Variants in MTHFD1L observed in about 807,000 individuals in gnomAD.
The protein encoded by MTHFD1L is methylenetetrahydrofolate dehydrogenase (NADP+ dependent) 1 like.
Under a neutral mutation model 119.5 loss-of-function variants are expected in MTHFD1L, and 81 were observed. That is an observed-to-expected ratio of 0.68 (90% CI 0.57 to 0.82). The LOEUF (loss-of-function observed/expected upper bound fraction) is 0.82, where lower values mean the gene tolerates loss of function less well. Ranked by LOEUF, MTHFD1L falls within the 40% of genes least tolerant of loss-of-function variation. The pLI, the probability that MTHFD1L is intolerant of heterozygous loss-of-function variation, is 0.00. For synonymous variants in MTHFD1L, 430 were observed against 475.2 expected (o/e 0.90, Z 1.24); for missense variants, 1,125 against 1,253.4 (o/e 0.90, Z 1.55).
chr6:150,952,121 T>G (rs1404785223), intron 16 of MTHFD1L, among the ~76,000 whole-genome samples: 1 of 152,208 alleles, frequency 6.6e-6, no homozygotes, highest in East Asian at 1.9e-4. Flanking sequence ...TGTGAATCAC[T>G]TTTAATGGAA....
In MTHFD1L at chr6:150,926,850, A is replaced by G. The variant is rs1224472594; in HGVS notation, c.1256+555A>G. The stretch of plus-strand genomic sequence containing the variant: ...AAGACAAATTCATAGTTTTTGTGAA[A>G]AGGAGTGTTTGCCTTTTTCCCCTTC... On this transcript the variant is annotated intron_variant, in intron 11 of 27. Coordinates refer to ENST00000367321, the MANE Select transcript of MTHFD1L (RefSeq NM_015440.5). The surrounding 1 kb of genome is among the most constrained non-coding windows in gnomAD (Gnocchi z 4.3). Among the ~76,000 whole-genome samples the G allele has an allele frequency of 6.6e-6, 1 of 152,030 alleles. No homozygotes were observed. Among genetic ancestry groups the G allele is most frequent in the Non-Finnish European group, 1.5e-5 (1 of 68,036 alleles).
At chr6:150,959,587 A>G (rs1390476465) in intron 17 of MTHFD1L, among the ~76,000 whole-genome samples, 1 of 152,190 alleles carries the variant, frequency 6.6e-6, no homozygotes, top group African/African-American at 2.4e-5. Flanking sequence ...TGATGTGGCC[A>G]TATCCTCCTG....
chr6:151,022,021 G>A (rs1381399983), intron 24 of MTHFD1L: 1 of 471,164 alleles, frequency 2.1e-6, no homozygotes. Context: ...CCTGTTCCTT[G>A]CGTGAAGCCA....
chr6:151,030,677 TATC>T (rs1373763511), intron 24 of MTHFD1L, among the ~76,000 whole-genome samples: 1 of 152,208 alleles, frequency 6.6e-6, no homozygotes, highest in Admixed American at 6.5e-5. Flanking sequence ...TGAATTTTCT[TATC>T]ATCTTGTGTG....
intron 6 of MTHFD1L, among the ~76,000 whole-genome samples, chr6:150,887,076 G>A (rs1272613693): frequency 6.6e-6 from 1 of 151,032 alleles, no homozygotes; most frequent in Non-Finnish European, 1.5e-5. Context: ...TGAAGCAAAT[G>A]CCCCTCCCTA....
At chr6:151,062,320 C>A (rs554165690) in intron 26 of MTHFD1L, among the ~76,000 whole-genome samples, 2 of 152,196 alleles carry the variant, frequency 1.3e-5, no homozygotes, top group Admixed American at 1.3e-4. Context: ...CACCTGTAGT[C>A]CCAGCTACTC....
Position 151,027,218 on chromosome 6 carries a change from G to A in MTHFD1L, c.2587-7275G>A, listed in dbSNP as rs556922630. 1.1e-4 allele frequency among the ~76,000 whole-genome samples: 17 copies of A among 151,852 alleles called. No homozygotes were observed. In the East Asian group the frequency reaches 2.9e-3, roughly 26 times the overall value. On this transcript the variant is annotated intron_variant, in intron 24 of 27. Transcript: ENST00000367321. ...TTTCATGCCTCCCTCTGCAACCTGT[G>A]ATCTCTTGACTTTAATAGTAATGTT...
At chr6:151,043,598 A>T (rs1787488940) in intron 26 of MTHFD1L, among the ~76,000 whole-genome samples, 1 of 152,194 alleles carries the variant, frequency 6.6e-6, no homozygotes, top group Admixed American at 6.5e-5. Flanking sequence ...ACCAAGTTGG[A>T]ATTCATAGTA....
intron 20 of MTHFD1L, among the ~76,000 whole-genome samples, chr6:150,982,200 AT>A (rs1375651877): frequency 6.6e-6 from 1 of 152,094 alleles, no homozygotes; most frequent in Non-Finnish European, 1.5e-5. Flanking sequence ...AGGATAAATA[AT>A]TTTTAAAAAC....
chr6:150,885,439 A>G (rs943767021), intron 5 of MTHFD1L, among the ~76,000 whole-genome samples, 195 bp from the exon 6 acceptor site: 1 of 151,272 alleles, frequency 6.6e-6, no homozygotes, highest in East Asian at 1.9e-4. Flanking sequence ...CATGTGATCC[A>G]CCCGCCTCAG....
chr6:150,931,353 C>T (rs1362104498), intron 11 of MTHFD1L, among the ~76,000 whole-genome samples: 1 of 141,896 alleles, frequency 7.0e-6, no homozygotes, highest in African/African-American at 2.6e-5. Context: ...TATTTCGGTA[C>T]AATGTTAAAA....
At chr6:151,078,618 G>A (rs540239363) in intron 26 of MTHFD1L, among the ~76,000 whole-genome samples, 1 of 152,250 alleles carries the variant, frequency 6.6e-6, no homozygotes, top group South Asian at 2.1e-4. Context: ...CTGGCTGTCA[G>A]CTGGAGGCCA....
At chr6:150,885,819 T>A in intron 6 of MTHFD1L, 85 bp downstream of exon 6, 2 of 1,086,328 alleles carry the variant, frequency 1.8e-6, no homozygotes, top group Non-Finnish European at 2.7e-6. Flanking sequence ...GGGGAAGAAT[T>A]AAAAATTTTT....
At chr6:150,932,048 G>C (rs1255825929) in intron 11 of MTHFD1L, among the ~76,000 whole-genome samples, 1 of 149,272 alleles carries the variant, frequency 6.7e-6, no homozygotes, top group Non-Finnish European at 1.5e-5. Context: ...TGTAATCCCA[G>C]CTACTCAAGA....
At chr6:151,004,117 C>G (rs1189469214) in intron 20 of MTHFD1L, among the ~76,000 whole-genome samples, 1 of 151,438 alleles carries the variant, frequency 6.6e-6, no homozygotes, top group Non-Finnish European at 1.5e-5. Context: ...CTGAGACGGG[C>G]AGATCATTTG....
In MTHFD1L at chr6:150,876,822, G is replaced by A. The variant is rs557295811; in HGVS notation, c.312+648G>A. The stretch of plus-strand genomic sequence containing the variant: ...CCGCAGGGCTTGGCATGCCCTTAGC[G>A]TATCAAAATAGCAGCCTCTGGTTCC... On this transcript the variant is annotated intron_variant, in intron 2 of 27. Coordinates refer to ENST00000367321, the MANE Select transcript of MTHFD1L (RefSeq NM_015440.5). Among the ~76,000 whole-genome samples, 15 of 152,322 alleles carry A rather than the reference G, an allele frequency of 9.8e-5. No individual in the cohort carries two copies. The East Asian group carries it at 1.4e-3, about 14-fold the overall frequency.
At chr6:151,025,541 C>A (rs745442052) in intron 24 of MTHFD1L, among the ~76,000 whole-genome samples, 1 of 152,134 alleles carries the variant, frequency 6.6e-6, no homozygotes, top group African/African-American at 2.4e-5. Context: ...ATGCAAAATA[C>A]GAATGGAAAT....
intron 26 of MTHFD1L, among the ~76,000 whole-genome samples, chr6:151,044,202 G>A (rs368413499): frequency 2.6e-5 from 4 of 152,026 alleles, no homozygotes; most frequent in South Asian, 2.1e-4. Flanking sequence ...TCTCTGTGCC[G>A]TTTCCTTCCC....
chr6:150,936,450 G>A (rs1023405590), intron 11 of MTHFD1L, among the ~76,000 whole-genome samples: 2 of 152,132 alleles, frequency 1.3e-5, no homozygotes, highest in African/African-American at 4.8e-5. Context: ...CCCAATAAAT[G>A]GCTCAGGAAG....
Sources: allele counts gnomAD v4.1 joint callset (sites outside exome capture counted in the v4.1 genomes callset), GRCh38; gene constraint gnomAD v4.1.1; non-coding constraint Gnocchi (gnomAD v3.1); transcripts MANE v1.5; gene names NCBI Gene and HGNC (gene_info 2026-07-23, HGNC 2026-07-21).